The following WIPF1 variants were observed in gnomAD, a reference collection of about 807,000 sequenced individuals.
WIPF1 encodes the protein WAS/WASL interacting protein family member 1, also known as WAS/WASL-interacting protein family member 1.
Under a neutral mutation model 35.4 loss-of-function variants are expected in WIPF1, and 13 were observed. That is an observed-to-expected ratio of 0.37 (90% confidence interval 0.24 to 0.58). The LOEUF (loss-of-function observed/expected upper bound fraction) is 0.58, where lower values mean the gene tolerates loss of function less well. Ranked by LOEUF, WIPF1 falls within the 20% of genes least tolerant of loss-of-function variation. The probability of loss-of-function intolerance (pLI) is 0.74; values close to 1 mark genes in which losing one functional copy is unlikely to be tolerated. For synonymous variants in WIPF1, 267 were observed against 266.3 expected, an observed-to-expected ratio of 1.00 and a Z score of -0.02; for missense variants, 591 against 667.0, an observed-to-expected ratio of 0.89 and a Z score of 1.25.
At position 174,567,072 on chromosome 2, in the gene WIPF1, C is replaced by T. The variant is rs776761827; in HGVS notation, c.1454G>A (p.Arg485Gln). The T allele has an allele frequency of 7.4e-6, 12 of 1,614,082 alleles. No homozygotes were observed. The highest frequency in any genetic ancestry group is 1.7e-4 in the Middle Eastern group (1 of 6,060). ...AAAACCTTGGCAGAAATACTCACTCCGGCTTTCGTTTCTTGCCAGTTTGCT... is the reference window on the plus strand; with the variant it reads ...AAAACCTTGGCAGAAATACTCACTCTGGCTTTCGTTTCTTGCCAGTTTGCT... ...YPSKLARNES[R>Q]SGSNRRERGA... The change falls in exon 7 of 8, where the codon CGG becomes CAG. Residue 485 changes from arginine to glutamine, a missense_variant and splice_region_variant. Arg to Gln is a conservative substitution (Grantham distance 43, BLOSUM62 1). Transcript: ENST00000679041.
chr2:174,637,429 T>C (rs895504562), intron 1 of WIPF1, among the ~76,000 whole-genome samples: 1 of 152,248 alleles, frequency 6.6e-6, no homozygotes, highest in Non-Finnish European at 1.5e-5. Context: ...TCTGCTCATA[T>C]GTATTAATAA....
upstream of WIPF1, among the ~76,000 whole-genome samples, chr2:174,600,896 C>T (rs1040028553): frequency 3.1e-5 from 4 of 131,024 alleles, no homozygotes; most frequent in African/African-American, 1.1e-4. Flanking sequence ...ACGAATTCTA[C>T]TACAGCATAA....
chr2:174,609,285 T>C (rs1686270927), intron 1 of WIPF1, among the ~76,000 whole-genome samples: 1 of 152,234 alleles, frequency 6.6e-6, no homozygotes, highest in Non-Finnish European at 1.5e-5. Context: ...CTCCAATTTA[T>C]ACATAAACTC....
chr2:174,562,983 T>A (rs547963901), intron 7 of WIPF1, among the ~76,000 whole-genome samples: 6 of 152,290 alleles, frequency 3.9e-5, no homozygotes, highest in Admixed American at 2.6e-4. Flanking sequence ...AGTTCCCCGT[T>A]TTCTTCCAGA....
At chr2:174,650,933 G>A (rs1406751460) in intron 1 of WIPF1, among the ~76,000 whole-genome samples, 1 of 152,240 alleles carries the variant, frequency 6.6e-6, no homozygotes, top group Non-Finnish European at 1.5e-5. Context: ...CACACGTGCT[G>A]TGGATTTGCC....
chr2:174,675,035 A>C (rs1200351270), intron 1 of WIPF1, among the ~76,000 whole-genome samples: 1 of 152,188 alleles, frequency 6.6e-6, no homozygotes, highest in Non-Finnish European at 1.5e-5. Flanking sequence ...GCCATGCCAT[A>C]AGTGAGTTTT....
chr2:174,660,924 G>A (rs1687744477), intron 1 of WIPF1, among the ~76,000 whole-genome samples: 1 of 152,248 alleles, frequency 6.6e-6, no homozygotes, highest in Admixed American at 6.5e-5. Flanking sequence ...AACAACCACT[G>A]ATGCCTAGGG....
chr2:174,638,553 T>A (rs1038327541), intron 1 of WIPF1, among the ~76,000 whole-genome samples: 1 of 151,954 alleles, frequency 6.6e-6, no homozygotes, highest in African/African-American at 2.4e-5. Context: ...TTCCCCTCCC[T>A]CCCCAATCTC....
upstream of WIPF1, among the ~76,000 whole-genome samples, chr2:174,602,175 C>T (rs551952880): frequency 2.0e-5 from 3 of 152,258 alleles, no homozygotes; most frequent in African/African-American, 7.2e-5. Flanking sequence ...CCAATAGGCT[C>T]GCAGACCAAT....
rs565623440 is a variant in WIPF1, at chr2:174,656,969, A to G, written c.-39+25805T>C. Among the ~76,000 whole-genome samples, 29 of 152,350 alleles carry G rather than the reference A, an allele frequency of 1.9e-4. 1 individual carries two copies. In the South Asian group the frequency reaches 5.6e-3, roughly 29 times the overall value. ...AGGCATCCAATCAGTTACACTATAC[A>G]CATATGCACATACACCCCCTAGAGA... On this transcript the variant is annotated intron_variant, in intron 1 of 8. Coordinates refer to the WIPF1 transcript ENST00000272746.
At chr2:174,569,144 C>T (rs1159508895) in intron 5 of WIPF1, among the ~76,000 whole-genome samples, 1 of 152,206 alleles carries the variant, frequency 6.6e-6, no homozygotes, top group African/African-American at 2.4e-5. Flanking sequence ...AATACAATGT[C>T]TTAAGGTGCT....
chr2:174,679,695 T>G (rs1210649906), intron 1 of WIPF1, among the ~76,000 whole-genome samples: 1 of 152,172 alleles, frequency 6.6e-6, no homozygotes, highest in Non-Finnish European at 1.5e-5. Context: ...TTAAAGTGTA[T>G]TAAGCAGAAT....
At chr2:174,568,109 C>T (rs773426790) in intron 5 of WIPF1, 36 bp from the exon 6 acceptor site, 20 of 1,588,306 alleles carry the variant, frequency 1.3e-5, no homozygotes, top group Non-Finnish European at 1.6e-5. Flanking sequence ...CAGAACCTTA[C>T]ATCCACATTC....
At chr2:174,573,628 A>C (rs1684945864) in intron 4 of WIPF1, among the ~76,000 whole-genome samples, 1 of 152,212 alleles carries the variant, frequency 6.6e-6, no homozygotes, top group African/African-American at 2.4e-5. Context: ...GAGGAAGACC[A>C]GCACTTTGGG....
chr2:174,645,933 G>C (rs1687399745), intron 1 of WIPF1, among the ~76,000 whole-genome samples: 1 of 152,204 alleles, frequency 6.6e-6, no homozygotes, highest in Admixed American at 6.5e-5. Context: ...GGGACACATA[G>C]GAAAGCCTTG....
chr2:174,621,879 G>C (rs1186086069), intron 1 of WIPF1, among the ~76,000 whole-genome samples: 1 of 152,276 alleles, frequency 6.6e-6, no homozygotes, highest in East Asian at 1.9e-4. Flanking sequence ...CTACCAGGGT[G>C]ATTAGGCACC....
At chr2:174,661,767 G>T (rs1172620604) in intron 1 of WIPF1, among the ~76,000 whole-genome samples, 13 of 152,162 alleles carry the variant, frequency 8.5e-5, no homozygotes, top group Admixed American at 7.9e-4. Flanking sequence ...TTTGTTGAAT[G>T]AATAGATCAA....
chr2:174,603,114 G>A (rs1421625858), intron 1 of WIPF1, among the ~76,000 whole-genome samples: 1 of 152,188 alleles, frequency 6.6e-6, no homozygotes, highest in Non-Finnish European at 1.5e-5. Flanking sequence ...TAGGGGATGG[G>A]CCTGCTGCAC....
intron 1 of WIPF1, among the ~76,000 whole-genome samples, chr2:174,585,997 T>C (rs1019319844): frequency 1.3e-5 from 2 of 152,334 alleles, no homozygotes; most frequent in Admixed American, 1.3e-4. Context: ...CTAATTTCCA[T>C]GACAATCCTT....
Sources: allele counts gnomAD v4.1 joint callset (sites outside exome capture counted in the v4.1 genomes callset), GRCh38; gene constraint gnomAD v4.1.1; transcripts MANE v1.5; gene names NCBI Gene and HGNC (gene_info 2026-07-23, HGNC 2026-07-21).